GNAL: variants seen among roughly 807,000 people sequenced by gnomAD.
GNAL encodes G protein subunit alpha L.
GNAL carries 18 observed loss-of-function variants against 55.1 expected under a neutral mutation model. That is an observed-to-expected ratio of 0.33 (90% CI 0.23 to 0.48). The LOEUF (loss-of-function observed/expected upper bound fraction) is 0.48. Among genes scored for constraint, GNAL ranks in the 20% least tolerant of loss-of-function variants. The pLI is 0.99. For missense variants in GNAL, 412 were observed against 614.1 expected, an observed-to-expected ratio of 0.67 and a Z score of 3.48; for synonymous variants, 253 against 237.0, an observed-to-expected ratio of 1.07 and a Z score of -0.62.
intron 4 of GNAL, among the ~76,000 whole-genome samples, chr18:11,756,891 T>G (rs186251765): frequency 1.8e-4 from 28 of 152,308 alleles, no homozygotes; most frequent in Admixed American, 1.8e-3. Flanking sequence ...AGTCCAGTAC[T>G]TTTTTGAGAT....
intron 5 of GNAL, among the ~76,000 whole-genome samples, chr18:11,830,806 A>G (rs983432325): frequency 6.6e-6 from 1 of 152,254 alleles, no homozygotes; most frequent in African/African-American, 2.4e-5. Flanking sequence ...GAAAAGGAAT[A>G]AAGTGCTGAC....
At chr18:11,693,871 T>A (rs932917224) in intron 1 of GNAL, among the ~76,000 whole-genome samples, 3 of 149,948 alleles carry the variant, frequency 2.0e-5, no homozygotes, top group Non-Finnish European at 3.0e-5. Flanking sequence ...TTTTTTTTTT[T>A]AGACAGGATC....
intron 1 of GNAL, among the ~76,000 whole-genome samples, chr18:11,715,696 A>G (rs2031946842): frequency 6.6e-6 from 1 of 152,072 alleles, no homozygotes; most frequent in African/African-American, 2.4e-5. Context: ...GGAATAAGCC[A>G]CAGGCCCATG....
chr18:11,841,386 C>G (rs1367326273), intron 5 of GNAL, among the ~76,000 whole-genome samples: 2 of 152,004 alleles, frequency 1.3e-5, no homozygotes, highest in African/African-American at 2.4e-5. Flanking sequence ...GCACGGTGGC[C>G]TATAATCCCA....
chr18:11,796,619 TC>T (rs1234830322), intron 4 of GNAL, among the ~76,000 whole-genome samples: 1 of 150,064 alleles, frequency 6.7e-6, no homozygotes, highest in Non-Finnish European at 1.5e-5. Context: ...CTTTCCATTG[TC>T]CCATCCCCCA....
At chr18:11,708,991 G>C (rs758378797) in intron 1 of GNAL, among the ~76,000 whole-genome samples, 1 of 152,168 alleles carries the variant, frequency 6.6e-6, no homozygotes, top group Non-Finnish European at 1.5e-5. Context: ...TGTAGTGTAA[G>C]ATAAAGTTCC....
Position 11,717,807 on chromosome 18 carries a change from G to A in GNAL, c.376+27868G>A, listed in dbSNP as rs184430583. The stretch of plus-strand genomic sequence containing the variant: ...GAACCTTTCAGAGGGTGGAGGTTGG[G>A]AGGAGGATCAGGAAAAACAACTAAT... On this transcript the variant is annotated intron_variant, in intron 1 of 11. Transcript: ENST00000334049. Among the ~76,000 whole-genome samples, 642 of 152,336 alleles carry A rather than the reference G, an allele frequency of 4.2e-3. 4 individuals are homozygous for A. Among genetic ancestry groups the A allele is most frequent in the Non-Finnish European group, 6.7e-3 (456 of 68,034 alleles).
intron 1 of GNAL, among the ~76,000 whole-genome samples, chr18:11,712,951 C>T (rs2031872465): frequency 6.6e-6 from 1 of 152,162 alleles, no homozygotes; most frequent in Non-Finnish European, 1.5e-5. Context: ...GAGAAGGACC[C>T]CCTCCCAAGT....
intron 1 of GNAL, among the ~76,000 whole-genome samples, chr18:11,707,907 C>T (rs2143347892): frequency 6.6e-6 from 1 of 152,346 alleles, no homozygotes; most frequent in Admixed American, 6.5e-5. Context: ...TAGCTTCCAG[C>T]TTTTCTTCTG....
intron 5 of GNAL, among the ~76,000 whole-genome samples, chr18:11,842,320 C>T (rs62097389): frequency 0.15 from 22,517 of 152,002 alleles, 2,812 homozygotes; most frequent in African/African-American, 0.34. Context: ...GGTGTAGCGG[C>T]CCCCAGCCTT....
chr18:11,879,136 A>G (rs1250852602), intron 11 of GNAL, among the ~76,000 whole-genome samples: 1 of 150,536 alleles, frequency 6.6e-6, no homozygotes, highest in Admixed American at 6.7e-5. Flanking sequence ...ATATATATAT[A>G]TAACCTACTC....
chr18:11,707,983 T>C (rs896617117), intron 1 of GNAL, among the ~76,000 whole-genome samples: 6 of 152,256 alleles, frequency 3.9e-5, no homozygotes, highest in African/African-American at 1.4e-4. Context: ...AACTTAGGCT[T>C]TGGCTTCGGG....
intron 4 of GNAL, among the ~76,000 whole-genome samples, chr18:11,773,855 CTA>C (rs1568021006): frequency 6.6e-6 from 1 of 152,176 alleles, no homozygotes; most frequent in Non-Finnish European, 1.5e-5. Context: ...ATTTCGGTGA[CTA>C]GAGTAAAAGT....
At chr18:11,846,424 TAC>T (rs1201622801) in intron 5 of GNAL, among the ~76,000 whole-genome samples, 2 of 144,478 alleles carry the variant, frequency 1.4e-5, no homozygotes, top group East Asian at 4.0e-4. Context: ...AATATATAAA[TAC>T]ATATATAAAT....
chr18:11,756,343 A>G (rs553610842), intron 4 of GNAL, among the ~76,000 whole-genome samples: 137 of 152,336 alleles, frequency 9.0e-4, no homozygotes, highest in Non-Finnish European at 1.6e-3. Flanking sequence ...ATTTTCAGAA[A>G]GCATAATTAA....
At position 11,751,439 on chromosome 18, in the gene GNAL, G is replaced by A; in HGVS notation, c.377-1414G>A. On this transcript the variant is annotated intron_variant, in intron 1 of 11. Transcript: ENST00000334049. This position sits in a 1 kb window ranked among gnomAD's most constrained non-coding sequence, Gnocchi z 4.5. ...CGGGGGCTGGAGGTAAAGACAGGAG[G>A]CTCGGGAGGCGGCGACGTGGGCGAG... 1.1e-6 allele frequency: 1 copy of A among 882,630 alleles called. No homozygotes were observed. The highest frequency in any genetic ancestry group is 5.2e-5 in the South Asian group (1 of 19,234). The allele number at this position is 882,630 out of a possible 1,614,324, so 54.7% of individuals were successfully genotyped here.
At chr18:11,696,933 G>C (rs1314108230) in intron 1 of GNAL, among the ~76,000 whole-genome samples, 1 of 152,160 alleles carries the variant, frequency 6.6e-6, no homozygotes, top group South Asian at 2.1e-4. Flanking sequence ...ACTGGAGTCA[G>C]ACCTTGTCCG....
intron 5 of GNAL, among the ~76,000 whole-genome samples, chr18:11,849,896 G>A (rs2035819498): frequency 6.6e-6 from 1 of 152,224 alleles, no homozygotes. Context: ...CATGGAGAGG[G>A]GAAGGAATCA....
chr18:11,780,437 AT>A (rs1421889854), intron 4 of GNAL, among the ~76,000 whole-genome samples: 23 of 152,220 alleles, frequency 1.5e-4, no homozygotes, highest in African/African-American at 5.5e-4. Flanking sequence ...GGTTTTAAAT[AT>A]TTTAAGGTCT....
Sources: gnomAD v4.1 joint callset for allele counts (sites outside exome capture counted in the v4.1 genomes callset) on GRCh38, gnomAD v4.1.1 for gene constraint, Gnocchi (gnomAD v3.1) non-coding constraint, MANE v1.5 for transcripts, NCBI Gene and HGNC (gene_info 2026-07-23, HGNC 2026-07-21) for gene names.